STRN: variants seen among roughly 807,000 people sequenced by gnomAD.
The protein encoded by STRN is protein phosphatase 2 regulatory subunit B'''alpha.
Under a neutral mutation model 96.3 loss-of-function variants are expected in STRN, and 53 were observed. That is an observed-to-expected ratio of 0.55 (90% CI 0.44 to 0.69). STRN has a LOEUF of 0.69. STRN is among the 30% of genes least tolerant of loss of function. STRN has a pLI of 0.00. For synonymous variants in STRN, 428 were observed against 355.9 expected (o/e 1.20, Z -2.28); for missense variants, 987 against 963.9 (o/e 1.02, Z -0.32).
chr2:36,896,455 A>G (rs1669542612), intron 6 of STRN, among the ~76,000 whole-genome samples: 1 of 152,222 alleles, frequency 6.6e-6, no homozygotes, highest in African/African-American at 2.4e-5. Flanking sequence ...CGGAAGAGGT[A>G]GAGTTTGTAA....
intron 7 of STRN, among the ~76,000 whole-genome samples, chr2:36,889,774 G>C (rs1428610751): frequency 6.6e-6 from 1 of 151,956 alleles, no homozygotes; most frequent in Non-Finnish European, 1.5e-5. Flanking sequence ...AAAACATACA[G>C]GTCAAACTAC....
rs1668019058 is a variant in STRN, at chr2:36,844,498, T to A, written c.*4958A>T. On this transcript the variant is annotated 3_prime_UTR_variant, in exon 18 of 18. Coordinates refer to ENST00000263918, the MANE Select transcript of STRN (RefSeq NM_003162.4). ...CCCAGGCAGACATTAGAATCTAAAT[T>A]AAAATGATTTTGAAAATTTGCATCA... is the stretch of plus-strand genomic sequence containing the variant. 1 of 152,108 alleles carries A rather than the reference T, an allele frequency of 6.6e-6. No individual in the cohort carries two copies. Among genetic ancestry groups the A allele is most frequent in the African/African-American group, 2.4e-5 (1 of 41,428 alleles). 9.4% of individuals were successfully genotyped at this position (152,108 alleles called of 1,614,324 possible). A position where few individuals can be genotyped will look rare whatever the true frequency, so the allele number is the denominator to read the frequency against.
rs1382065313 is a variant in STRN, at chr2:36,840,705, G to C, written c.*8751C>G. On this transcript the variant is annotated 3_prime_UTR_variant, in exon 18 of 18. Transcript: ENST00000263918. ...AAAAACGAACATGGTCTGTGCCTTA[G>C]GGAGCTTATATAGACAAAAGCAAAC... The C allele has an allele frequency of 6.6e-6, 1 of 152,104 alleles. No individual in the cohort carries two copies. Among genetic ancestry groups the C allele is most frequent in the Non-Finnish European group, 1.5e-5 (1 of 68,016 alleles). 9.4% of individuals were successfully genotyped at this position (152,104 alleles called of 1,614,324 possible). A position where few individuals can be genotyped will look rare whatever the true frequency, so the allele number is the denominator to read the frequency against.
chr2:36,861,198 C>A lies in STRN; in HGVS notation c.1603G>T (p.Gly535Cys), dbSNP rs1668470578. The change falls in exon 13 of 18, where the codon GGT becomes TGT. Residue 535 changes from glycine to cysteine, a missense_variant. Transcript: ENST00000263918. Reference protein sequence around the residue: ...SSNGEQCYSGGTDGLIQGWNT... With the variant: ...SSNGEQCYSGCTDGLIQGWNT... ...CAGCCCTGGATCAGTCCATCAGTAC[C>A]ACCACTGTAACACTGCTCACCATTG... The A allele has an allele frequency of 1.2e-6, 2 of 1,614,004 alleles. No homozygotes were observed. Among genetic ancestry groups the A allele is most frequent in the African/African-American group, 2.7e-5 (2 of 75,012 alleles).
rs539187099 is a variant in STRN at position 36,873,651 on chromosome 2, A to G, written c.1324-3922T>C. Among the ~76,000 whole-genome samples, 5 of 152,286 alleles carry G rather than the reference A, an allele frequency of 3.3e-5. No homozygotes were observed. The South Asian group carries it at 6.2e-4, about 19-fold the overall frequency. On this transcript the variant is annotated intron_variant, in intron 10 of 17. Coordinates refer to ENST00000263918, the MANE Select transcript of STRN (RefSeq NM_003162.4). Reference sequence around the variant, plus strand: ...TGGAAGAAATCTGTAAACAATCTAAAAAAAAGAATTCGGCCAGGCGCGGTG... The same window carrying G: ...TGGAAGAAATCTGTAAACAATCTAAGAAAAAGAATTCGGCCAGGCGCGGTG...
chr2:36,926,324 C>T (rs1208394578), intron 1 of STRN, among the ~76,000 whole-genome samples: 1 of 152,116 alleles, frequency 6.6e-6, no homozygotes, highest in Non-Finnish European at 1.5e-5. Flanking sequence ...ACTCATAATA[C>T]CTCTTAAAAG....
chr2:36,845,322 T>G lies in STRN; in HGVS notation c.*4134A>C, dbSNP rs1668039286. 1 of 152,148 alleles carries G rather than the reference T, an allele frequency of 6.6e-6. No individual in the cohort carries two copies. The highest frequency in any genetic ancestry group is 1.5e-5 in the Non-Finnish European group (1 of 68,030). 9.4% of individuals were successfully genotyped at this position (152,148 alleles called of 1,614,324 possible). A position where few individuals can be genotyped will look rare whatever the true frequency, so the allele number is the denominator to read the frequency against. ...TTGTGACATCTTAATACAATATAAC[T>G]TAAATGACAAAGCCTGAGAAAAGCA... On this transcript the variant is annotated 3_prime_UTR_variant, in exon 18 of 18. Coordinates refer to ENST00000263918, the MANE Select transcript of STRN (RefSeq NM_003162.4).
intron 1 of STRN, among the ~76,000 whole-genome samples, chr2:36,933,966 C>T (rs1670638631): frequency 6.6e-6 from 1 of 151,906 alleles, no homozygotes; most frequent in Admixed American, 6.6e-5. Context: ...AAAAAAATTA[C>T]CCGGGTGTGG....
Position 36,923,445 on chromosome 2 carries a change from C to CAAAA in STRN, c.338+1656_338+1659dup, listed in dbSNP as rs1200328345. On this transcript the variant is annotated intron_variant, in intron 2 of 17. Transcript: ENST00000263918. The stretch of plus-strand genomic sequence containing the variant: ...CAGCCTAGGCAACAAAGCAGGACTC[C>CAAAA]AAAAAAAAAAAAAAAAAAACAACTC... Among the ~76,000 whole-genome samples, 55 of 58,492 alleles carry CAAAA rather than the reference C, an allele frequency of 9.4e-4. 1 individual carries two copies. Among genetic ancestry groups the CAAAA allele is most frequent in the African/African-American group, 3.0e-3 (50 of 16,526 alleles). The allele number at this position is 58,492 out of a possible 152,430, so 38.4% of individuals were successfully genotyped here.
intron 4 of STRN, among the ~76,000 whole-genome samples, chr2:36,903,755 G>C (rs569189224): frequency 6.6e-6 from 1 of 152,254 alleles, no homozygotes; most frequent in East Asian, 1.9e-4. Context: ...ACCAAATCAA[G>C]ATGCTCATTT....
At chr2:36,902,967 C>T in intron 4 of STRN, 1 of 321,120 alleles carries the variant, frequency 3.1e-6, no homozygotes. Context: ...AATGAGAGAA[C>T]TATACAATAC....
At chr2:36,895,512 CAGACTGGG>C (rs1248063544) in intron 6 of STRN, among the ~76,000 whole-genome samples, 1 of 152,110 alleles carries the variant, frequency 6.6e-6, no homozygotes, top group African/African-American at 2.4e-5. Context: ...ATCAGTGTGG[CAGACTGGG>C]AACAGAAAAC....
In STRN at chr2:36,915,844, A is replaced by ATC. The variant is rs570482910; in HGVS notation, c.412+233_412+234insGA. 3.7e-4 allele frequency among the ~76,000 whole-genome samples: 57 copies of ATC among 152,332 alleles called. 1 individual carries two copies. The highest frequency in any genetic ancestry group is 1.0e-3 in the Admixed American group (16 of 15,300). Reference sequence around the variant, plus strand: ...CCCCATGAACTCTGATCCTTCCAGTAAGTGTAGAACATAAGCAGAAAATGG... The same window carrying ATC: ...CCCCATGAACTCTGATCCTTCCAGTATCAGTGTAGAACATAAGCAGAAAATGG... On this transcript the variant is annotated intron_variant, in intron 3 of 17. Coordinates refer to ENST00000263918, the MANE Select transcript of STRN (RefSeq NM_003162.4).
chr2:36,946,260 C>T (rs1387112248), intron 1 of STRN, among the ~76,000 whole-genome samples: 3 of 150,880 alleles, frequency 2.0e-5, no homozygotes, highest in Admixed American at 2.0e-4. Flanking sequence ...CCTAAAACAT[C>T]CAAATATGAG....
At chr2:36,946,469 C>T (rs1180099234) in intron 1 of STRN, among the ~76,000 whole-genome samples, 2 of 152,144 alleles carry the variant, frequency 1.3e-5, no homozygotes, top group Non-Finnish European at 2.9e-5. Flanking sequence ...GATATCTCTA[C>T]TTAAGGAATT....
chr2:36,935,059 C>A (rs1429960682), intron 1 of STRN, among the ~76,000 whole-genome samples: 1 of 152,186 alleles, frequency 6.6e-6, no homozygotes, highest in South Asian at 2.1e-4. Context: ...GCCTGGGCAA[C>A]AGAGGGGAGG....
rs143179924 is a variant in STRN at position 36,920,367 on chromosome 2, G to A, written c.339-4216C>T. 3.2e-3 allele frequency among the ~76,000 whole-genome samples: 486 copies of A among 152,212 alleles called. 5 individuals carry two copies. Among genetic ancestry groups the A allele is most frequent in the African/African-American group, 0.011 (449 of 41,518 alleles). ...AAAGAAACAAAACCAGGCTGGGCGCGGTGGCTCACACCTGTAATCCCAACA... is the reference window on the plus strand; with the variant it reads ...AAAGAAACAAAACCAGGCTGGGCGCAGTGGCTCACACCTGTAATCCCAACA... On this transcript the variant is annotated intron_variant, in intron 2 of 17. Coordinates refer to ENST00000263918, the MANE Select transcript of STRN (RefSeq NM_003162.4).
At chr2:36,924,387 C>A (rs1217664482) in intron 2 of STRN, among the ~76,000 whole-genome samples, 2 of 146,032 alleles carry the variant, frequency 1.4e-5, no homozygotes, top group African/African-American at 5.0e-5. Context: ...TATATAGAAT[C>A]TTAACATAGT....
At chr2:36,868,625 T>C (rs571127828) in intron 11 of STRN, among the ~76,000 whole-genome samples, 1 of 152,334 alleles carries the variant, frequency 6.6e-6, no homozygotes, top group Middle Eastern at 3.4e-3. Context: ...ACCTAATCTA[T>C]GTGAAAGTCC....
Sources: allele counts gnomAD v4.1 joint callset (sites outside exome capture counted in the v4.1 genomes callset), GRCh38; gene constraint gnomAD v4.1.1; transcripts MANE v1.5; gene names NCBI Gene and HGNC (gene_info 2026-07-23, HGNC 2026-07-21).